OTUD7A: variants seen among roughly 807,000 people sequenced by gnomAD.
OTUD7A encodes OTU domain-containing protein 7A.
In OTUD7A, 12 loss-of-function variants were observed where a neutral mutation model predicts 65.7. The ratio of observed to expected loss-of-function variants is 0.18; its 90% CI spans 0.12 to 0.30. The LOEUF (loss-of-function observed/expected upper bound fraction) is 0.30, where lower values mean the gene tolerates loss of function less well. Ranked by LOEUF, OTUD7A falls within the 10% of genes least tolerant of loss-of-function variation. The pLI, the probability that OTUD7A is intolerant of heterozygous loss-of-function variation, is 1.00. For missense variants in OTUD7A, 1,148 were observed against 1,304.8 expected, an observed-to-expected ratio of 0.88 and a Z score of 1.85; for synonymous variants, 641 against 586.3, an observed-to-expected ratio of 1.09 and a Z score of -1.35.
intron 1 of OTUD7A, among the ~76,000 whole-genome samples, chr15:31,727,308 T>C (rs1893919123): frequency 6.6e-6 from 1 of 152,200 alleles, no homozygotes; most frequent in African/African-American, 2.4e-5. Flanking sequence ...TCCTACATAG[T>C]CCAAGGCCTG....
At chr15:31,643,294 G>A (rs7496104) in intron 3 of OTUD7A, among the ~76,000 whole-genome samples, 27,039 of 152,022 alleles carry the variant, frequency 0.18, 2,619 homozygotes, top group East Asian at 0.25. Context: ...TTTCACTGAT[G>A]CCTTTAATAT....
chr15:31,483,520 G>T lies in OTUD7A; in HGVS notation c.2576C>A (p.Thr859Asn). 4.3e-6 allele frequency: 6 copies of T among 1,390,220 alleles called. No homozygotes were observed. The highest frequency in any genetic ancestry group is 5.6e-6 in the Non-Finnish European group (6 of 1,069,224). The allele number at this position is 1,390,220 out of a possible 1,614,324, so 86.1% of individuals were successfully genotyped here. A position where few individuals can be genotyped will look rare whatever the true frequency, so the allele number is the denominator to read the frequency against. The change falls in exon 13 of 13, where the codon ACC becomes AAC. Residue 859 changes from threonine to asparagine, a missense_variant. By Grantham distance (65) the Thr-to-Asn change is moderately conservative. This residue lies in a region of OTUD7A where 842 missense variants were observed against 769.5 expected (regional missense o/e 1.09). Coordinates refer to ENST00000307050, the MANE Select transcript of OTUD7A (RefSeq NM_001382637.1). ...GTCGCGCAGGGCGCCGAAGCCGTTG[G>T]TGTAGGTCTGCGACTTGTGCTCGGC... The part of the protein sequence containing the change: ...GAAEHKSQTY[T>N]NGFGALRDGL...
intron 1 of OTUD7A, among the ~76,000 whole-genome samples, chr15:31,805,302 A>G (rs931046272): frequency 6.6e-6 from 1 of 152,242 alleles, no homozygotes; most frequent in African/African-American, 2.4e-5. Flanking sequence ...AGAGAGCTGG[A>G]CAATTTGGCA....
At position 31,487,709 on chromosome 15, in the gene OTUD7A, C is replaced by T; in HGVS notation, c.1172-143G>A. ...ATCTGTGCCAGCAGGAGCATGAAGA[C>T]CAAAACCACTATTGCTAGTTTTTAA... On this transcript the variant is annotated intron_variant, in intron 10 of 12. Transcript: ENST00000307050. The surrounding 1 kb of genome is among the most constrained non-coding windows in gnomAD (Gnocchi z 6.0). The T allele has an allele frequency of 1.5e-6, 1 of 650,734 alleles. No individual in the cohort carries two copies. The highest frequency in any genetic ancestry group is 3.0e-5 in the Admixed American group (1 of 33,614). The allele number at this position is 650,734 out of a possible 1,614,324, so 40.3% of individuals were successfully genotyped here.
At chr15:31,660,072 T>C (rs1892116630) in intron 1 of OTUD7A, among the ~76,000 whole-genome samples, 2 of 152,272 alleles carry the variant, frequency 1.3e-5, no homozygotes, top group South Asian at 4.1e-4. Flanking sequence ...ACCATTGACA[T>C]AGATTAAAAC....
chr15:31,583,470 A>G (rs1175204019), intron 3 of OTUD7A, among the ~76,000 whole-genome samples: 2 of 152,092 alleles, frequency 1.3e-5, no homozygotes, highest in Admixed American at 1.3e-4. Context: ...TGTAGCTCCC[A>G]TAATTCCCGT....
At chr15:31,841,427 G>A (rs1897179812) in intron 1 of OTUD7A, among the ~76,000 whole-genome samples, 1 of 152,124 alleles carries the variant, frequency 6.6e-6, no homozygotes, top group Non-Finnish European at 1.5e-5. Flanking sequence ...AAGCCTCGAG[G>A]ACACATGCAA....
chr15:31,534,234 G>A (rs1041472209), intron 5 of OTUD7A, among the ~76,000 whole-genome samples: 1 of 152,076 alleles, frequency 6.6e-6, no homozygotes, highest in African/African-American at 2.4e-5. Context: ...CATGACCAAG[G>A]GATGCAAGGA....
intron 6 of OTUD7A, 143 bp downstream of exon 6, chr15:31,530,564 C>T: frequency 1.4e-6 from 1 of 698,540 alleles, no homozygotes; most frequent in Non-Finnish European, 2.3e-6. Flanking sequence ...GGCTCTGTCT[C>T]CTGGGGACTT....
At chr15:31,592,327 C>T (rs1411575549) in intron 3 of OTUD7A, among the ~76,000 whole-genome samples, 1 of 152,122 alleles carries the variant, frequency 6.6e-6, no homozygotes, top group East Asian at 1.9e-4. Flanking sequence ...AACATATGTA[C>T]AACAGCACAA....
intron 1 of OTUD7A, chr15:31,768,270 C>T (rs1247869636): frequency 6.5e-5 from 48 of 736,642 alleles, no homozygotes; most frequent in South Asian, 1.1e-4. Flanking sequence ...GCCCGGGCAG[C>T]GGCGAGTCTC....
chr15:31,514,048 TCTTTCTTTC>T (rs994404477), intron 8 of OTUD7A, among the ~76,000 whole-genome samples: 6 of 68,402 alleles, frequency 8.8e-5, no homozygotes, highest in East Asian at 5.9e-4. Flanking sequence ...TTTCTTTCTT[TCTTTCTTTC>T]TTTTTTTTTT....
intron 1 of OTUD7A, among the ~76,000 whole-genome samples, chr15:31,681,355 G>T (rs144856395): frequency 0.013 from 1,969 of 151,744 alleles, 26 homozygotes; most frequent in Non-Finnish European, 0.016. Context: ...ATGTTTCTGG[G>T]TGTCTATTTG....
At chr15:31,632,658 A>T (rs1250586665) in intron 3 of OTUD7A, among the ~76,000 whole-genome samples, 1 of 152,218 alleles carries the variant, frequency 6.6e-6, no homozygotes, top group South Asian at 2.1e-4. Flanking sequence ...GCTGTCAGAC[A>T]GGGACATTTA....
intron 1 of OTUD7A, among the ~76,000 whole-genome samples, chr15:31,719,717 C>T (rs990516504): frequency 9.9e-5 from 15 of 152,184 alleles, no homozygotes; most frequent in Non-Finnish European, 2.1e-4. Flanking sequence ...TCTGCCCAGG[C>T]CTCTCCAATG....
chr15:31,793,672 C>T (rs1028392866), intron 1 of OTUD7A, among the ~76,000 whole-genome samples: 6 of 152,352 alleles, frequency 3.9e-5, no homozygotes, highest in Admixed American at 6.5e-5. Flanking sequence ...GATGTCCCAT[C>T]GTACTGTCAT....
At chr15:31,810,308 C>G (rs1176351168) in intron 1 of OTUD7A, among the ~76,000 whole-genome samples, 1 of 152,216 alleles carries the variant, frequency 6.6e-6, no homozygotes, top group Non-Finnish European at 1.5e-5. Flanking sequence ...ATGAACAGAA[C>G]TGTGTCCCTG....
intron 1 of OTUD7A, among the ~76,000 whole-genome samples, chr15:31,699,481 G>A (rs539718744): frequency 1.8e-4 from 27 of 152,248 alleles, no homozygotes; most frequent in Non-Finnish European, 3.5e-4. Flanking sequence ...TGTTTTGCAC[G>A]TGTTTGGGGA....
intron 1 of OTUD7A, among the ~76,000 whole-genome samples, chr15:31,846,988 C>T (rs1051305042): frequency 6.6e-6 from 1 of 152,176 alleles, no homozygotes; most frequent in Non-Finnish European, 1.5e-5. Context: ...AGCCAAGGGT[C>T]GCCTTGTTGT....
Sources: allele counts gnomAD v4.1 joint callset (sites outside exome capture counted in the v4.1 genomes callset), GRCh38; gene constraint gnomAD v4.1.1; regional missense constraint gnomAD v4.1.1; non-coding constraint Gnocchi (gnomAD v3.1); transcripts MANE v1.5; gene names NCBI Gene and HGNC (gene_info 2026-07-23, HGNC 2026-07-21).